DCC: variants seen among roughly 807,000 people sequenced by gnomAD.
The protein encoded by DCC is DCC netrin 1 receptor.
In DCC, 58 loss-of-function variants were observed where a neutral mutation model predicts 172.5. The observed-to-expected ratio is 0.34, with a 90% CI of 0.27 to 0.42. DCC has a LOEUF of 0.42. DCC is among the 10% of genes least tolerant of loss of function. The pLI, the probability that DCC is intolerant of heterozygous loss-of-function variation, is 1.00. For synonymous variants in DCC, 709 were observed against 644.5 expected, an observed-to-expected ratio of 1.10 and a Z score of -1.52; for missense variants, 1,740 against 1,791.0, an observed-to-expected ratio of 0.97 and a Z score of 0.51.
intron 1 of DCC, among the ~76,000 whole-genome samples, chr18:52,631,987 C>G (rs1355575017): frequency 6.6e-6 from 1 of 152,170 alleles, no homozygotes; most frequent in Non-Finnish European, 1.5e-5. Context: ...AATCCAAAGC[C>G]TTCGCATGTA....
chr18:53,086,014 T>TTATTATTATTATTATTATTA (rs1325738360), intron 7 of DCC, among the ~76,000 whole-genome samples: 2 of 18,688 alleles, frequency 1.1e-4, no homozygotes, highest in Admixed American at 3.0e-4. Context: ...CTCCTTCTCC[T>TTATTATTATTATTATTATTA]TCTCCCTCTC....
chr18:52,752,564 T>A (rs2037015198), intron 2 of DCC, among the ~76,000 whole-genome samples, 190 bp downstream of exon 2: 1 of 152,138 alleles, frequency 6.6e-6, no homozygotes, highest in Non-Finnish European at 1.5e-5. Context: ...CATCGTGGAG[T>A]GATTATATCA....
intron 1 of DCC, among the ~76,000 whole-genome samples, chr18:52,402,885 G>T (rs187123213): frequency 1.1e-4 from 16 of 152,062 alleles, no homozygotes; most frequent in Admixed American, 4.6e-4. Context: ...ATAGTTGAAC[G>T]AGGCACTAAT....
intron 1 of DCC, among the ~76,000 whole-genome samples, chr18:52,578,914 G>A (rs2033480707): frequency 6.6e-6 from 1 of 152,146 alleles, no homozygotes; most frequent in Non-Finnish European, 1.5e-5. Flanking sequence ...CCAGGAGGTG[G>A]AGGTTGCAGT....
At chr18:52,612,735 A>G (rs951684661) in intron 1 of DCC, among the ~76,000 whole-genome samples, 1 of 152,070 alleles carries the variant, frequency 6.6e-6, no homozygotes, top group Non-Finnish European at 1.5e-5. Flanking sequence ...AATGGATTTG[A>G]TTGTGGAAAT....
intron 5 of DCC, among the ~76,000 whole-genome samples, chr18:53,003,129 G>T (rs2041592008): frequency 6.6e-6 from 1 of 152,102 alleles, no homozygotes; most frequent in African/African-American, 2.4e-5. Flanking sequence ...GCTGTCAGGG[G>T]TGCAGAGGTG....
At chr18:53,227,604 T>C (rs1389890906) in intron 12 of DCC, among the ~76,000 whole-genome samples, 1 of 152,158 alleles carries the variant, frequency 6.6e-6, no homozygotes, top group African/African-American at 2.4e-5. Context: ...CATTGAGAAG[T>C]ATGTTAATAG....
intron 1 of DCC, among the ~76,000 whole-genome samples, chr18:52,680,913 G>T (rs2035738884): frequency 1.3e-5 from 2 of 152,006 alleles, no homozygotes; most frequent in South Asian, 4.1e-4. Context: ...TGATTTTGTT[G>T]GTTAAAACGC....
At chr18:53,228,549 G>A (rs1341073198) in intron 12 of DCC, among the ~76,000 whole-genome samples, 2 of 152,050 alleles carry the variant, frequency 1.3e-5, no homozygotes, top group African/African-American at 2.4e-5. Flanking sequence ...TAACACCTGG[G>A]CTTGCGTAGA....
At chr18:53,359,255 C>T (rs2057918299) in intron 15 of DCC, among the ~76,000 whole-genome samples, 1 of 152,060 alleles carries the variant, frequency 6.6e-6, no homozygotes, top group South Asian at 2.1e-4. Flanking sequence ...CCAAATTATT[C>T]CAAGAGTCCA....
intron 1 of DCC, among the ~76,000 whole-genome samples, chr18:52,420,334 G>T (rs1243632226): frequency 6.6e-6 from 1 of 152,162 alleles, no homozygotes; most frequent in Non-Finnish European, 1.5e-5. Flanking sequence ...TTACCAGGAT[G>T]TAGTGGCTCC....
chr18:52,517,080 A>C (rs537245667), intron 1 of DCC, among the ~76,000 whole-genome samples: 1 of 152,062 alleles, frequency 6.6e-6, no homozygotes, highest in Non-Finnish European at 1.5e-5. Context: ...GCATCTTAGG[A>C]CTCTACACTC....
chr18:52,769,004 G>GA (rs5824958), intron 2 of DCC, among the ~76,000 whole-genome samples: 15,085 of 151,980 alleles, frequency 0.099, 953 homozygotes, highest in Middle Eastern at 0.22. Flanking sequence ...GGTTGTCTAG[G>GA]AAAAAAATGG....
intron 5 of DCC, among the ~76,000 whole-genome samples, chr18:52,999,011 T>G (rs910840404): frequency 2.0e-5 from 3 of 152,108 alleles, no homozygotes; most frequent in Admixed American, 2.0e-4. Context: ...TTCAGACATC[T>G]GTGTTTCCAA....
At position 52,812,537 on chromosome 18, in the gene DCC, G is replaced by A. The variant is rs150904196; in HGVS notation, c.412+60163G>A. ...CTTAAAGGCCAGAGAAGAGAACTTG[G>A]CAGGAAAGTTATCATCCAAGTTCAA... On this transcript the variant is annotated intron_variant, in intron 2 of 28. Transcript: ENST00000442544. Among the ~76,000 whole-genome samples, 55 of 152,242 alleles carry A rather than the reference G, an allele frequency of 3.6e-4. 1 individual carries two copies. In the East Asian group the frequency reaches 8.1e-3, roughly 22 times the overall value.
chr18:52,844,253 A>G (rs1207889045), intron 2 of DCC, among the ~76,000 whole-genome samples: 1 of 152,186 alleles, frequency 6.6e-6, no homozygotes, highest in African/African-American at 2.4e-5. Context: ...AGGCAAATGC[A>G]TCATTAGATG....
At chr18:53,423,195 A>G (rs931588400) in intron 21 of DCC, among the ~76,000 whole-genome samples, 12 of 152,166 alleles carry the variant, frequency 7.9e-5, no homozygotes, top group East Asian at 1.9e-4. Context: ...TTGTTTATAC[A>G]CTTCAAATAA....
At chr18:53,355,951 T>C (rs2057873582) in intron 15 of DCC, among the ~76,000 whole-genome samples, 1 of 152,180 alleles carries the variant, frequency 6.6e-6, no homozygotes, top group Non-Finnish European at 1.5e-5. Flanking sequence ...TTCATCAAAT[T>C]TAGGAGTTTT....
intron 1 of DCC, among the ~76,000 whole-genome samples, chr18:52,447,522 A>G (rs956999470): frequency 1.3e-5 from 2 of 152,142 alleles, no homozygotes; most frequent in Non-Finnish European, 2.9e-5. Context: ...TCACTTGGAT[A>G]CCCAAGGATA....
Sources: allele counts gnomAD v4.1 joint callset (sites outside exome capture counted in the v4.1 genomes callset), GRCh38; gene constraint gnomAD v4.1.1; transcripts MANE v1.5; gene names NCBI Gene and HGNC (gene_info 2026-07-23, HGNC 2026-07-21).